The following MMAB variants were observed in gnomAD, a reference collection of about 807,000 sequenced individuals.
MMAB encodes the protein metabolism of cobalamin associated B, also known as corrinoid adenosyltransferase MMAB.
A neutral mutation model predicts 30.6 loss-of-function variants in MMAB; 17 were observed. That is an observed-to-expected ratio of 0.56 (90% CI 0.38 to 0.83). The LOEUF is 0.83. Among genes scored for constraint, MMAB ranks in the 40% least tolerant of loss-of-function variants. The pLI, the probability that MMAB is intolerant of heterozygous loss-of-function variation, is 0.00. For missense variants in MMAB, 311 were observed against 331.6 expected (o/e 0.94, Z 0.48); for synonymous variants, 134 against 138.6 (o/e 0.97, Z 0.23).
At chr12:109,571,271 T>C (rs1353869952) in intron 2 of MMAB, among the ~76,000 whole-genome samples, 2 of 151,904 alleles carry the variant, frequency 1.3e-5, no homozygotes, top group Non-Finnish European at 2.9e-5. Context: ...TTTTCTGAGA[T>C]GGAGTCTTGC....
At position 109,561,273 on chromosome 12, in the gene MMAB, G is replaced by T; in HGVS notation, c.519+147C>A. On this transcript the variant is annotated intron_variant, in intron 6 of 8. Coordinates refer to ENST00000545712, the MANE Select transcript of MMAB (RefSeq NM_052845.4). The surrounding 1 kb of genome is among the most constrained non-coding windows in gnomAD (Gnocchi z 5.3). The stretch of plus-strand genomic sequence containing the variant: ...ACGCTGCTCCAGAGTGGGCAGGGCT[G>T]GGAGGGACCGGTGAGGACCTGGAGG... 6.3e-7 allele frequency: 1 copy of T among 1,579,982 alleles called. No individual in the cohort carries two copies. Among genetic ancestry groups the T allele is most frequent in the South Asian group, 1.1e-5 (1 of 88,746 alleles).
intron 7 of MMAB, among the ~76,000 whole-genome samples, chr12:109,559,433 GC>G (rs1884112845): frequency 6.6e-6 from 1 of 152,222 alleles, no homozygotes; most frequent in South Asian, 2.1e-4. Context: ...ACCCCAGCCA[GC>G]CAGCTTTTGT....
At position 109,573,424 on chromosome 12, in the gene MMAB, GCGCAGGCCAAGACGGCTCCC is replaced by G. The variant is rs748526009; in HGVS notation, c.37_56del (p.Gly13ArgfsTer50). The G allele has an allele frequency of 3.4e-5, 55 of 1,607,820 alleles. No homozygotes were observed. Among genetic ancestry groups the G allele is most frequent in the Admixed American group, 1.0e-4 (6 of 59,402 alleles). The stretch of plus-strand genomic sequence containing the variant: ...GGAGCCTGGCGGCGCCGAAGCACCC[GCGCAGGCCAAGACGGCTCCC>G]CAGGCCAAGACGGCTCCCCAGGCCG... On this transcript the variant is annotated frameshift_variant, in exon 1 of 9. Transcript: ENST00000545712. LOFTEE classifies it high-confidence loss of function.
Position 109,556,922 on chromosome 12 carries a change from G to T in MMAB, c.*106C>A. The T allele has an allele frequency of 1.3e-6, 1 of 758,566 alleles. No individual in the cohort carries two copies. Among genetic ancestry groups the T allele is most frequent in the Non-Finnish European group, 2.3e-6 (1 of 426,312 alleles). 47.0% of individuals were successfully genotyped at this position (758,566 alleles called of 1,614,324 possible). A position where few individuals can be genotyped will look rare whatever the true frequency, so the allele number is the denominator to read the frequency against. The stretch of plus-strand genomic sequence containing the variant: ...GAGCTGGGACAAAAGGCTGCTTTGA[G>T]CCTCTCTGGGTGAGCTCTTCAGGAA... On this transcript the variant is annotated 3_prime_UTR_variant, in exon 9 of 9. Coordinates refer to ENST00000545712, the MANE Select transcript of MMAB (RefSeq NM_052845.4).
rs577764276 is a variant in MMAB at position 109,555,613 on chromosome 12, T to C, written c.*1415A>G. 4.4e-6 allele frequency: 2 copies of C among 451,848 alleles called. No homozygotes were observed. Among genetic ancestry groups the C allele is most frequent in the Non-Finnish European group, 8.9e-6 (2 of 225,506 alleles). 28.0% of individuals were successfully genotyped at this position (451,848 alleles called of 1,614,324 possible). Reference sequence around the variant, plus strand: ...AGCACCGACTCCGTACCAGACCTGGTAGTGACGATGGGGGCAGGGAGGCAC... The same window carrying C: ...AGCACCGACTCCGTACCAGACCTGGCAGTGACGATGGGGGCAGGGAGGCAC... On this transcript the variant is annotated 3_prime_UTR_variant, in exon 9 of 9. Coordinates refer to ENST00000545712, the MANE Select transcript of MMAB (RefSeq NM_052845.4).
Position 109,556,072 on chromosome 12 carries a change from T to C in MMAB, c.*956A>G, listed in dbSNP as rs1422313921. ...TTGGGGCTGCCTCTTCTGCCCTTCA[T>C]AAATATTGCCTTTCCCAAGGACACT... On this transcript the variant is annotated 3_prime_UTR_variant, in exon 9 of 9. Coordinates refer to ENST00000545712, the MANE Select transcript of MMAB (RefSeq NM_052845.4). 2.2e-6 allele frequency: 1 copy of C among 454,046 alleles called. No homozygotes were observed. Among genetic ancestry groups the C allele is most frequent in the East Asian group, 7.0e-5 (1 of 14,386 alleles). The allele number at this position is 454,046 out of a possible 1,614,324, so 28.1% of individuals were successfully genotyped here. A position where few individuals can be genotyped will look rare whatever the true frequency, so the allele number is the denominator to read the frequency against.
chr12:109,561,552 G>T lies in MMAB; in HGVS notation c.422-35C>A. On this transcript the variant is annotated intron_variant, in intron 5 of 8. Transcript: ENST00000545712. This position sits in a 1 kb window ranked among gnomAD's most constrained non-coding sequence, Gnocchi z 5.3. ...CAAGGAGCAGAGGGAACTGCCATGA[G>T]GCCATCACCCACCAGACCATGGCGG... The T allele has an allele frequency of 1.3e-6, 2 of 1,518,196 alleles. No individual in the cohort carries two copies. Among genetic ancestry groups the T allele is most frequent in the Non-Finnish European group, 1.8e-6 (2 of 1,123,470 alleles). The allele number at this position is 1,518,196 out of a possible 1,614,324, so 94.0% of individuals were successfully genotyped here.
chr12:109,555,005 G>A lies in MMAB; in HGVS notation c.*2023C>T, dbSNP rs546885397. On this transcript the variant is annotated 3_prime_UTR_variant, in exon 9 of 9. Transcript: ENST00000545712. ...TGTTAACATCCAGGCTGTGACACCC[G>A]GTCCTGGAAGGACAGGACTTGGCAA... is the stretch of plus-strand genomic sequence containing the variant. 155 of 454,084 alleles carry A rather than the reference G, an allele frequency of 3.4e-4. 1 individual carries two copies. The highest frequency in any genetic ancestry group is 2.8e-3 in the African/African-American group (140 of 50,100). 28.1% of individuals were successfully genotyped at this position (454,084 alleles called of 1,614,324 possible). A position where few individuals can be genotyped will look rare whatever the true frequency, so the allele number is the denominator to read the frequency against.
Position 109,558,206 on chromosome 12 carries a change from G to A in MMAB, c.644+890C>T, listed in dbSNP as rs1222288333. 1.3e-5 allele frequency among the ~76,000 whole-genome samples: 2 copies of A among 152,202 alleles called. No individual in the cohort carries two copies. Among genetic ancestry groups the A allele is most frequent in the African/African-American group, 2.4e-5 (1 of 41,456 alleles). On this transcript the variant is annotated intron_variant, in intron 8 of 8. Transcript: ENST00000545712. The surrounding 1 kb of genome is among the most constrained non-coding windows in gnomAD (Gnocchi z 4.3). ...GCTCCTGGAGGGCAGTGGTGTGCCT[G>A]TTGCTTGTTGGCTCTGTGAAGCCTC...
chr12:109,557,589 A>G (rs1160704317), intron 8 of MMAB, among the ~76,000 whole-genome samples: 1 of 152,218 alleles, frequency 6.6e-6, no homozygotes, highest in Non-Finnish European at 1.5e-5. Context: ...CTGCAGGTCT[A>G]GTTCCTGCCC....
chr12:109,566,049 G>C (rs143787450), intron 3 of MMAB, among the ~76,000 whole-genome samples: 52 of 152,312 alleles, frequency 3.4e-4, no homozygotes, highest in African/African-American at 1.1e-3. Context: ...GAAGGGCAAG[G>C]GTCGGGGAAG....
At position 109,554,715 on chromosome 12, in the gene MMAB, T is replaced by G. The variant is rs1426324666; in HGVS notation, c.*2313A>C. 8 of 454,020 alleles carry G rather than the reference T, an allele frequency of 1.8e-5. No individual in the cohort carries two copies. The highest frequency in any genetic ancestry group is 3.5e-5 in the Non-Finnish European group (8 of 226,798). 28.1% of individuals were successfully genotyped at this position (454,020 alleles called of 1,614,324 possible). On this transcript the variant is annotated 3_prime_UTR_variant, in exon 9 of 9. Transcript: ENST00000545712. ...GTTCAAAATATGGGAGGACATTTGCTCAGTGTACAGAGGGGTACACATCTT... is the reference window on the plus strand; with the variant it reads ...GTTCAAAATATGGGAGGACATTTGCGCAGTGTACAGAGGGGTACACATCTT...
At chr12:109,570,121 G>A in intron 2 of MMAB, 1 of 325,166 alleles carries the variant, frequency 3.1e-6, no homozygotes, top group African/African-American at 2.3e-5. Flanking sequence ...AAATTAGTTG[G>A]GCATGGTGAT....
chr12:109,562,316 T>C (rs996377521), intron 4 of MMAB, among the ~76,000 whole-genome samples: 3 of 152,254 alleles, frequency 2.0e-5, no homozygotes, highest in Non-Finnish European at 4.4e-5. Context: ...CTTTTCTTTA[T>C]AAATTATCCG....
chr12:109,559,984 C>T (rs978954387), intron 7 of MMAB, among the ~76,000 whole-genome samples: 22 of 152,240 alleles, frequency 1.4e-4, no homozygotes, highest in African/African-American at 3.4e-4. Flanking sequence ...GCCATGGCTG[C>T]GTAACTCTCT....
At chr12:109,557,219 C>T in intron 8 of MMAB, 83 bp from the exon 9 acceptor site, 3 of 949,794 alleles carry the variant, frequency 3.2e-6, no homozygotes, top group Non-Finnish European at 5.2e-6. Context: ...TATCCGCCTA[C>T]AAGGAGGAGA....
intron 7 of MMAB, among the ~76,000 whole-genome samples, chr12:109,560,125 C>G (rs1312975239): frequency 2.0e-5 from 3 of 152,164 alleles, no homozygotes; most frequent in Non-Finnish European, 4.4e-5. Flanking sequence ...TCTTTTGAAG[C>G]CAAAGCTTGT....
rs1566129826 is a variant in MMAB, at chr12:109,556,998, G to A, written c.*30C>T. The A allele has an allele frequency of 6.9e-7, 1 of 1,456,886 alleles. No homozygotes were observed. Among genetic ancestry groups the A allele is most frequent in the Non-Finnish European group, 9.6e-7 (1 of 1,037,876 alleles). 90.2% of individuals were successfully genotyped at this position (1,456,886 alleles called of 1,614,324 possible). A position where few individuals can be genotyped will look rare whatever the true frequency, so the allele number is the denominator to read the frequency against. On this transcript the variant is annotated 3_prime_UTR_variant, in exon 9 of 9. Coordinates refer to ENST00000545712, the MANE Select transcript of MMAB (RefSeq NM_052845.4). ...TCTCTCCACGGCCATCGCCATGGAG[G>A]GATCCTCCAAGCTCCCACTTTCTGT... is the stretch of plus-strand genomic sequence containing the variant.
In MMAB at chr12:109,561,179, T is replaced by C; in HGVS notation, c.520-75A>G. 6.3e-7 allele frequency: 1 copy of C among 1,595,610 alleles called. No homozygotes were observed. Among genetic ancestry groups the C allele is most frequent in the Non-Finnish European group, 8.5e-7 (1 of 1,175,674 alleles). On this transcript the variant is annotated intron_variant, in intron 6 of 8. Coordinates refer to ENST00000545712, the MANE Select transcript of MMAB (RefSeq NM_052845.4). The surrounding 1 kb of genome is among the most constrained non-coding windows in gnomAD (Gnocchi z 5.3). ...ACTGCGGACAGGAGCTCCTCTGAAG[T>C]CCAGCCCTGCCCCCCAAACCGGGCA...
Sources: allele counts gnomAD v4.1 joint callset (sites outside exome capture counted in the v4.1 genomes callset), GRCh38; gene constraint gnomAD v4.1.1; non-coding constraint Gnocchi (gnomAD v3.1); transcripts MANE v1.5; gene names NCBI Gene and HGNC (gene_info 2026-07-23, HGNC 2026-07-21).